IL1RAPL1: variants seen among roughly 807,000 people sequenced by gnomAD.
The protein encoded by IL1RAPL1 is interleukin-1 receptor accessory protein-like 1.
In IL1RAPL1, 3 loss-of-function variants were observed where a neutral mutation model predicts 48.4. That is an observed-to-expected ratio of 0.06 (90% confidence interval 0.03 to 0.16). The LOEUF is 0.16. IL1RAPL1 is among the 10% of genes least tolerant of loss of function. The pLI is 1.00. For missense variants in IL1RAPL1, 349 were observed against 530.6 expected (o/e 0.66, Z 3.36); for synonymous variants, 185 against 187.7 (o/e 0.99, Z 0.12).
chrX:29,162,422 A>G (rs1602089277), intron 2 of IL1RAPL1, among the ~76,000 whole-genome samples: 1 of 111,056 alleles, frequency 9.0e-6, no homozygotes, highest in African/African-American at 3.3e-5. Flanking sequence ...GCAGAAGACC[A>G]TAAATATACT....
chrX:29,597,149 A>ATTTTTTTTTTTTTTTTTTTTTTTT (rs35180262), intron 5 of IL1RAPL1, among the ~76,000 whole-genome samples: 4 of 55,969 alleles, frequency 7.1e-5, no homozygotes, highest in African/African-American at 2.7e-4. Flanking sequence ...TTTGTTGAGG[A>ATTTTTTTTTTTTTTTTTTTTTTTT]TTTTTTTTTT....
At chrX:29,424,689 G>A (rs777104493) in intron 5 of IL1RAPL1, among the ~76,000 whole-genome samples, 1 of 111,523 alleles carries the variant, frequency 9.0e-6, no homozygotes, top group East Asian at 2.8e-4. Flanking sequence ...AAACACAAAA[G>A]GATGTGGGGA....
In IL1RAPL1 at chrX:29,651,550, C is replaced by T. The variant is rs145097397; in HGVS notation, c.704-16880C>T. Among the ~76,000 whole-genome samples the T allele has an allele frequency of 3.3e-3, 364 of 111,418 alleles. 2 individuals are homozygous for T. Among genetic ancestry groups the T allele is most frequent in the Middle Eastern group, 0.014 (3 of 217 alleles). ...GACAAGTACTACATGATCACACTGACGTATGGAATCTAAAAAACTCATCTC... is the reference window on the plus strand; with the variant it reads ...GACAAGTACTACATGATCACACTGATGTATGGAATCTAAAAAACTCATCTC... On this transcript the variant is annotated intron_variant, in intron 5 of 10. Transcript: ENST00000378993.
At chrX:29,150,985 A>G (rs930895013) in intron 2 of IL1RAPL1, among the ~76,000 whole-genome samples, 1 of 110,224 alleles carries the variant, frequency 9.1e-6, no homozygotes, top group Non-Finnish European at 1.9e-5. Context: ...CCTGCCCTAG[A>G]TGCTAAACCT....
intron 5 of IL1RAPL1, among the ~76,000 whole-genome samples, chrX:29,662,785 T>C (rs1047413168): frequency 9.9e-5 from 11 of 111,595 alleles, no homozygotes; most frequent in Non-Finnish European, 1.9e-4. Flanking sequence ...ACCTTGTATA[T>C]GTTGTTAGTT....
chrX:29,626,809 T>C (rs2147077292), intron 5 of IL1RAPL1, among the ~76,000 whole-genome samples: 1 of 111,831 alleles, frequency 8.9e-6, no homozygotes, highest in Non-Finnish European at 1.9e-5. Flanking sequence ...ATATGTTTAA[T>C]AAGCTCACTT....
rs762525878 is a variant in IL1RAPL1 at position 29,281,058 on chromosome X, TTA to T, written c.83-1878_83-1877del. On this transcript the variant is annotated intron_variant, in intron 2 of 10. Transcript: ENST00000378993. ...AATGTGGATAATTAATTCCACGTTA[TTA>T]TGTGTCTTCTTTGCTGTAATGTACA... Among the ~76,000 whole-genome samples the T allele has an allele frequency of 8.5e-3, 949 of 112,138 alleles. 6 individuals carry two copies. Among genetic ancestry groups the T allele is most frequent in the Non-Finnish European group, 0.013 (684 of 53,239 alleles).
chrX:28,652,942 G>A (rs1283960474), intron 1 of IL1RAPL1, among the ~76,000 whole-genome samples: 1 of 110,743 alleles, frequency 9.0e-6, no homozygotes, highest in African/African-American at 3.3e-5. Flanking sequence ...GTTCCAGATA[G>A]AAGACCAACT....
At chrX:29,647,733 T>G (rs1925379015) in intron 5 of IL1RAPL1, among the ~76,000 whole-genome samples, 1 of 111,357 alleles carries the variant, frequency 9.0e-6, no homozygotes, top group Admixed American at 9.5e-5. Context: ...AAAAGAGAAA[T>G]AAATTTTAAA....
chrX:28,814,369 GTGTGTGTGTGTATGTGTA>G (rs1187614660), intron 2 of IL1RAPL1, among the ~76,000 whole-genome samples: 1 of 107,746 alleles, frequency 9.3e-6, no homozygotes, highest in East Asian at 2.9e-4. Flanking sequence ...GTGTGTGTGT[GTGTGTGTGTGTATGTGTA>G]TGTGTGTGTG....
intron 1 of IL1RAPL1, among the ~76,000 whole-genome samples, chrX:28,683,536 C>T (rs1284054629): frequency 1.8e-5 from 2 of 111,364 alleles, no homozygotes; most frequent in African/African-American, 6.5e-5. Flanking sequence ...TGGTTATAAC[C>T]CCGCGGGCTA....
At chrX:29,227,491 A>T (rs2223505) in intron 2 of IL1RAPL1, among the ~76,000 whole-genome samples, 2 of 110,397 alleles carry the variant, frequency 1.8e-5, no homozygotes, top group African/African-American at 6.5e-5. Flanking sequence ...TTTTAATTTG[A>T]CAGTCTCCTT....
At chrX:29,691,091 T>C (rs1926759978) in intron 6 of IL1RAPL1, among the ~76,000 whole-genome samples, 1 of 111,894 alleles carries the variant, frequency 8.9e-6, no homozygotes, top group African/African-American at 3.2e-5. Context: ...TTTGGAACTG[T>C]GTCTGTTTGC....
At chrX:29,765,482 T>G (rs1053250516) in intron 6 of IL1RAPL1, among the ~76,000 whole-genome samples, 1 of 112,019 alleles carries the variant, frequency 8.9e-6, no homozygotes, top group Non-Finnish European at 1.9e-5. Context: ...TGCAAAGTAA[T>G]AATAATCATA....
intron 2 of IL1RAPL1, among the ~76,000 whole-genome samples, chrX:29,251,986 A>G (rs1931627975): frequency 9.2e-6 from 1 of 109,202 alleles, no homozygotes; most frequent in African/African-American, 3.4e-5. Context: ...GAAATTGGAA[A>G]TCATCATTCT....
At chrX:29,107,649 CT>C (rs1164708575) in intron 2 of IL1RAPL1, among the ~76,000 whole-genome samples, 1 of 111,796 alleles carries the variant, frequency 8.9e-6, no homozygotes, top group Non-Finnish European at 1.9e-5. Context: ...TTCTCTTTCC[CT>C]TTTTAAAGGA....
At chrX:29,045,961 C>A in intron 2 of IL1RAPL1, among the ~76,000 whole-genome samples, 1 of 66,519 alleles carries the variant, frequency 1.5e-5, no homozygotes. Context: ...TCCTCCTCCT[C>A]CTCCTTCTTC....
At chrX:29,368,007 TA>T (rs1487998373) in intron 3 of IL1RAPL1, among the ~76,000 whole-genome samples, 1 of 111,162 alleles carries the variant, frequency 9.0e-6, no homozygotes, top group East Asian at 2.8e-4. Flanking sequence ...GTATATATAA[TA>T]CAGTTGGCCC....
intron 1 of IL1RAPL1, among the ~76,000 whole-genome samples, chrX:28,605,747 T>C (rs1260505880): frequency 9.0e-6 from 1 of 111,622 alleles, no homozygotes; most frequent in Non-Finnish European, 1.9e-5. Context: ...TTCGCCTACA[T>C]TACTTCCTTG....
Sources: allele counts gnomAD v4.1 joint callset (sites outside exome capture counted in the v4.1 genomes callset), GRCh38; gene constraint gnomAD v4.1.1; transcripts MANE v1.5; gene names NCBI Gene and HGNC (gene_info 2026-07-23, HGNC 2026-07-21).